The following PLEKHA5 variants were observed in gnomAD, a reference collection of about 807,000 sequenced individuals.
The protein encoded by PLEKHA5 is pleckstrin homology domain containing A5.
A neutral mutation model predicts 181.9 loss-of-function variants in PLEKHA5; 55 were observed. The observed-to-expected ratio is 0.30, with a 90% CI of 0.24 to 0.38. PLEKHA5 has a LOEUF of 0.38. Among genes scored for constraint, PLEKHA5 ranks in the 10% least tolerant of loss-of-function variants. The pLI, the probability that PLEKHA5 is intolerant of heterozygous loss-of-function variation, is 1.00. For synonymous variants in PLEKHA5, 535 were observed against 529.4 expected, an observed-to-expected ratio of 1.01 and a Z score of -0.15; for missense variants, 1,432 against 1,549.5, an observed-to-expected ratio of 0.92 and a Z score of 1.27.
intron 28 of PLEKHA5, among the ~76,000 whole-genome samples, chr12:19,360,000 T>C (rs2050265352): frequency 6.6e-6 from 1 of 151,254 alleles, no homozygotes; most frequent in Non-Finnish European, 1.5e-5. Flanking sequence ...AAAATTAAGC[T>C]TTCTTTAGTT....
chr12:19,251,970 G>A (rs924773297), intron 3 of PLEKHA5, among the ~76,000 whole-genome samples: 4 of 152,054 alleles, frequency 2.6e-5, no homozygotes, highest in Non-Finnish European at 5.9e-5. Context: ...CTCCCAGGGT[G>A]TCAAGTGCTG....
At chr12:19,177,325 G>C (rs2047547455) in intron 3 of PLEKHA5, among the ~76,000 whole-genome samples, 1 of 152,170 alleles carries the variant, frequency 6.6e-6, no homozygotes, top group Admixed American at 6.5e-5. Context: ...AATAGTACTA[G>C]TGATTACAAT....
Position 19,322,664 on chromosome 12 carries a change from T to G in PLEKHA5, c.2445T>G (p.Thr815=). The G allele has an allele frequency of 6.2e-7, 1 of 1,601,118 alleles. No homozygotes were observed. Among genetic ancestry groups the G allele is most frequent in the Non-Finnish European group, 8.5e-7 (1 of 1,175,308 alleles). Residue 815 remains threonine (T), a synonymous_variant, in exon 20 of 32, where the codon ACT becomes ACG. Coordinates refer to ENST00000429027, the MANE Select transcript of PLEKHA5 (RefSeq NM_001256470.2). ...CGTGTCGAGAACTTTCTCGAGCCACTGCCGTAAGTAGATTTTTTTTTTCCC... is the reference window on the plus strand; with the variant it reads ...CGTGTCGAGAACTTTCTCGAGCCACGGCCGTAAGTAGATTTTTTTTTTCCC... The part of the protein sequence containing the change: ...LSTCRELSRA[T]AELERAWREY...
chr12:19,139,268 G>C lies in PLEKHA5; in HGVS notation c.227+6818G>C, dbSNP rs576621748. Among the ~76,000 whole-genome samples the C allele has an allele frequency of 1.9e-4, 29 of 152,290 alleles. No homozygotes were observed. In the South Asian group the frequency reaches 5.8e-3, roughly 30 times the overall value. ...GACCCTTGACCGGAATAAAGGAGTA[G>C]GTGTGGGAGGGGGAGCCCCAGGTGG... On this transcript the variant is annotated intron_variant, in intron 3 of 31. Transcript: ENST00000429027.
chr12:19,334,746 C>A (rs1275702061), intron 20 of PLEKHA5, among the ~76,000 whole-genome samples: 1 of 141,124 alleles, frequency 7.1e-6, no homozygotes. Context: ...TATGAGAGGC[C>A]AAGGCTGGTG....
chr12:19,302,545 A>T (rs760708629), intron 15 of PLEKHA5, among the ~76,000 whole-genome samples: 10 of 152,098 alleles, frequency 6.6e-5, no homozygotes, highest in Non-Finnish European at 1.3e-4. Flanking sequence ...ACAGGCGCCC[A>T]CCACCACACC....
rs57234099 is a variant in PLEKHA5, at chr12:19,300,972, T to TA, written c.2037+9296dup. ...CAACATGGAGAAACCCCATCTCTAC[T>TA]AAAAAAAAAAAAAAAAAAAAATACA... On this transcript the variant is annotated intron_variant, in intron 15 of 31. Transcript: ENST00000429027. 4.0e-3 allele frequency among the ~76,000 whole-genome samples: 509 copies of TA among 127,596 alleles called. 3 individuals carry two copies. The highest frequency in any genetic ancestry group is 0.023 in the East Asian group (100 of 4,322). 83.7% of individuals were successfully genotyped at this position (127,596 alleles called of 152,430 possible).
chr12:19,250,210 G>C (rs539010169), intron 3 of PLEKHA5, among the ~76,000 whole-genome samples: 12 of 152,240 alleles, frequency 7.9e-5, no homozygotes, highest in Non-Finnish European at 1.5e-4. Flanking sequence ...AGAAAAGTTT[G>C]GACTTCCTAC....
At chr12:19,256,054 AG>A (rs2066805732) in intron 5 of PLEKHA5, among the ~76,000 whole-genome samples, 1 of 152,140 alleles carries the variant, frequency 6.6e-6, no homozygotes, top group African/African-American at 2.4e-5. Flanking sequence ...TTATAATTAA[AG>A]AAGTGCTGTG....
intron 3 of PLEKHA5, among the ~76,000 whole-genome samples, chr12:19,231,997 C>T (rs368180192): frequency 3.3e-5 from 5 of 152,170 alleles, no homozygotes; most frequent in South Asian, 2.1e-4. Context: ...CACATTTCTC[C>T]TATAGCTCAG....
At chr12:19,288,105 T>G in intron 13 of PLEKHA5, 1 of 323,494 alleles carries the variant, frequency 3.1e-6, no homozygotes, top group South Asian at 2.9e-5. Context: ...AAAGAAACTT[T>G]ATTGTATGAA....
At position 19,283,595 on chromosome 12, in the gene PLEKHA5, A is replaced by C. The variant is rs1421259081; in HGVS notation, c.1629A>C (p.Thr543=). ...PKTMVNISDQ[T]MHSIPTSPSH... ...CCATGGTAAATATTTCTGACCAGAC[A>C]ATGCACTCTATTCCCACATCACCTT... Residue 543 remains threonine (T), a synonymous_variant, in exon 12 of 32, where the codon ACA becomes ACC. Transcript: ENST00000429027. The C allele has an allele frequency of 1.2e-6, 2 of 1,614,012 alleles. No homozygotes were observed. Among genetic ancestry groups the C allele is most frequent in the Non-Finnish European group, 1.7e-6 (2 of 1,180,024 alleles).
chr12:19,165,786 GACC>G (rs1259199215), intron 3 of PLEKHA5, among the ~76,000 whole-genome samples: 1 of 152,154 alleles, frequency 6.6e-6, no homozygotes, highest in Non-Finnish European at 1.5e-5. Flanking sequence ...CAAATGGCCA[GACC>G]ACTTTGGGGG....
At chr12:19,232,901 G>T (rs927379713) in intron 3 of PLEKHA5, among the ~76,000 whole-genome samples, 7 of 152,212 alleles carry the variant, frequency 4.6e-5, no homozygotes, top group African/African-American at 1.7e-4. Context: ...CATGTCGATT[G>T]TCTTCCTTGG....
intron 30 of PLEKHA5, among the ~76,000 whole-genome samples, chr12:19,367,344 C>T (rs1447181768): frequency 2.0e-5 from 3 of 148,010 alleles, no homozygotes; most frequent in Non-Finnish European, 3.0e-5. Context: ...CAATCTCCAC[C>T]TCCCAGGTTC....
rs540964253 is a variant in PLEKHA5 at position 19,275,165 on chromosome 12, T to C, written c.1313+182T>C. 1.8e-4 allele frequency among the ~76,000 whole-genome samples: 28 copies of C among 152,350 alleles called. No homozygotes were observed. The South Asian group carries it at 5.8e-3, about 32-fold the overall frequency. ...TATTTATTCTCTGTCTCTTATGTTCTGTCACCCAACTTTGCTAATGGCAAG... is the reference window on the plus strand; with the variant it reads ...TATTTATTCTCTGTCTCTTATGTTCCGTCACCCAACTTTGCTAATGGCAAG... On this transcript the variant is annotated intron_variant, in intron 11 of 31. Transcript: ENST00000429027.
intron 15 of PLEKHA5, among the ~76,000 whole-genome samples, chr12:19,300,968 C>T (rs1460592081): frequency 1.7e-5 from 1 of 58,248 alleles, no homozygotes; most frequent in Non-Finnish European, 4.8e-5. Context: ...AACCCCATCT[C>T]TACTAAAAAA....
At chr12:19,300,174 T>G (rs2081074449) in intron 15 of PLEKHA5, among the ~76,000 whole-genome samples, 1 of 152,238 alleles carries the variant, frequency 6.6e-6, no homozygotes, top group Non-Finnish European at 1.5e-5. Flanking sequence ...TTCCATGACT[T>G]GCCCAAAATC....
At chr12:19,140,858 G>A (rs147353426) in intron 3 of PLEKHA5, among the ~76,000 whole-genome samples, 6 of 152,226 alleles carry the variant, frequency 3.9e-5, no homozygotes, top group African/African-American at 1.4e-4. Context: ...ACTCAGTCTC[G>A]GTTCACTGCA....
Sources: gnomAD v4.1 joint callset for allele counts (sites outside exome capture counted in the v4.1 genomes callset) on GRCh38, gnomAD v4.1.1 for gene constraint, MANE v1.5 for transcripts, NCBI Gene and HGNC (gene_info 2026-07-23, HGNC 2026-07-21) for gene names.